The following SLC4A4 variants were observed in gnomAD, a reference collection of about 807,000 sequenced individuals.
SLC4A4 encodes the protein electrogenic sodium bicarbonate cotransporter 1.
Under a neutral mutation model 111.5 loss-of-function variants are expected in SLC4A4, and 27 were observed. The ratio of observed to expected loss-of-function variants is 0.24; its 90% CI spans 0.18 to 0.33. SLC4A4 has a LOEUF of 0.33. Among genes scored for constraint, SLC4A4 ranks in the 10% least tolerant of loss-of-function variants. The pLI, the probability that SLC4A4 is intolerant of heterozygous loss-of-function variation, is 1.00. For synonymous variants in SLC4A4, 443 were observed against 463.4 expected (o/e 0.96, Z 0.57); for missense variants, 909 against 1,315.5 (o/e 0.69, Z 4.78).
At chr4:71,157,342 T>TATG (rs1218282016) in intron 2 of SLC4A4, among the ~76,000 whole-genome samples, 1 of 152,186 alleles carries the variant, frequency 6.6e-6, no homozygotes, top group Non-Finnish European at 1.5e-5. Flanking sequence ...CATATAAAAG[T>TATG]AATACATATT....
chr4:71,377,921 G>C (rs1281724549), intron 6 of SLC4A4, among the ~76,000 whole-genome samples: 2 of 152,196 alleles, frequency 1.3e-5, no homozygotes, highest in East Asian at 3.8e-4. Context: ...ATGTGGCTGG[G>C]AACGCCTCAG....
At chr4:71,167,002 A>G (rs1427136101) in intron 2 of SLC4A4, among the ~76,000 whole-genome samples, 1 of 152,188 alleles carries the variant, frequency 6.6e-6, no homozygotes, top group Non-Finnish European at 1.5e-5. Context: ...GTAACTTACA[A>G]CAATAAGCAT....
intron 8 of SLC4A4, among the ~76,000 whole-genome samples, chr4:71,443,083 A>ACACT (rs1724876547): frequency 3.2e-5 from 1 of 31,436 alleles, no homozygotes; most frequent in African/African-American, 1.9e-4. Flanking sequence ...AGAGGCCACT[A>ACACT]CTCTCTCTCT....
At chr4:71,414,733 G>T (rs1438548188) in intron 7 of SLC4A4, among the ~76,000 whole-genome samples, 1 of 152,264 alleles carries the variant, frequency 6.6e-6, no homozygotes, top group Non-Finnish European at 1.5e-5. Flanking sequence ...GATTTCATAT[G>T]GTTGTTCCTT....
chr4:71,536,488 G>C (rs2364537), intron 18 of SLC4A4, among the ~76,000 whole-genome samples: 1 of 34,586 alleles, frequency 2.9e-5, no homozygotes, highest in Non-Finnish European at 6.0e-5. Flanking sequence ...ATATATATAT[G>C]TATATATTTA....
chr4:71,559,447 T>C (rs1475204274), intron 22 of SLC4A4, among the ~76,000 whole-genome samples: 1 of 151,808 alleles, frequency 6.6e-6, no homozygotes, highest in Non-Finnish European at 1.5e-5. Flanking sequence ...TCTCTAACCT[T>C]CAATTTCCTC....
At position 71,240,674 on chromosome 4, in the gene SLC4A4, T is replaced by G. The variant is rs545058488; in HGVS notation, c.73+4025T>G. The stretch of plus-strand genomic sequence containing the variant: ...TTGTTTTCAGGAAAAGTAAAAAAAG[T>G]ATGTCAGGGTCTGGGACAGGGTAGA... On this transcript the variant is annotated intron_variant, in intron 2 of 25. Transcript: ENST00000264485. 3.9e-5 allele frequency among the ~76,000 whole-genome samples: 6 copies of G among 152,296 alleles called. No individual in the cohort carries two copies. In the South Asian group the frequency reaches 1.2e-3, roughly 32 times the overall value.
At chr4:71,249,291 A>G (rs1270074142) in intron 2 of SLC4A4, among the ~76,000 whole-genome samples, 1 of 152,170 alleles carries the variant, frequency 6.6e-6, no homozygotes, top group Non-Finnish European at 1.5e-5. Context: ...TCTATACATA[A>G]ATGACATATG....
intron 7 of SLC4A4, among the ~76,000 whole-genome samples, chr4:71,400,327 G>A (rs986376429): frequency 2.0e-5 from 3 of 152,142 alleles, no homozygotes; most frequent in African/African-American, 7.2e-5. Flanking sequence ...GAAATATGTG[G>A]AACATTTTTT....
At chr4:71,270,592 A>G (rs1350956070) in intron 3 of SLC4A4, among the ~76,000 whole-genome samples, 1 of 152,204 alleles carries the variant, frequency 6.6e-6, no homozygotes, top group African/African-American at 2.4e-5. Flanking sequence ...AAATGTAGAA[A>G]CACACTCCTT....
upstream of SLC4A4, among the ~76,000 whole-genome samples, chr4:71,184,614 A>C (rs955465250): frequency 6.6e-6 from 1 of 152,172 alleles, no homozygotes; most frequent in African/African-American, 2.4e-5. Context: ...TTTTCTGCTC[A>C]TTCTTCTTGT....
Position 71,440,686 on chromosome 4 carries a change from A to G in SLC4A4, c.878A>G (p.Asp293Gly), listed in dbSNP as rs989632309. Reference protein sequence around the residue: ...EASNVLVGEVDFLDTPFIAFV... With the variant: ...EASNVLVGEVGFLDTPFIAFV... ...TCCAACGTGCTTGTTGGGGAGGTTG[A>G]CTTTTTGGATACTCCTTTCATTGCC... The change falls in exon 8 of 26, where the codon GAC becomes GGC. Residue 293 changes from aspartate (D) to glycine (G), a missense_variant. Asp to Gly is a moderately conservative substitution (Grantham distance 94). Around this residue, in one of 7 missense-constraint regions of SLC4A4, gnomAD observed 312 missense variants for 402.0 expected, o/e 0.78. Transcript: ENST00000264485. The G allele has an allele frequency of 6.2e-6, 10 of 1,613,996 alleles. No individual in the cohort carries two copies. The African/African-American group carries it at 1.2e-4, about 19-fold the overall frequency.
At chr4:71,321,657 G>A (rs1384487284) in intron 3 of SLC4A4, among the ~76,000 whole-genome samples, 1 of 151,882 alleles carries the variant, frequency 6.6e-6, no homozygotes, top group Non-Finnish European at 1.5e-5. Context: ...TATGGCAGAA[G>A]GCATCACAAA....
At chr4:71,542,416 T>C (rs938519314) in intron 18 of SLC4A4, among the ~76,000 whole-genome samples, 1 of 152,102 alleles carries the variant, frequency 6.6e-6, no homozygotes, top group African/African-American at 2.4e-5. Flanking sequence ...AATCTGATTA[T>C]ATCACTTGCC....
intron 2 of SLC4A4, among the ~76,000 whole-genome samples, chr4:71,163,968 G>A (rs1744670906): frequency 6.6e-6 from 1 of 152,214 alleles, no homozygotes. Context: ...AAAGCAGCCC[G>A]AGTGTGGTGG....
At chr4:71,476,979 G>A (rs898369249) in intron 14 of SLC4A4, among the ~76,000 whole-genome samples, 19 of 151,628 alleles carry the variant, frequency 1.3e-4, no homozygotes, top group African/African-American at 4.1e-4. Flanking sequence ...TAAGAAAAAC[G>A]ATAATTTAGT....
At chr4:71,394,954 A>G (rs1335028979) in intron 6 of SLC4A4, among the ~76,000 whole-genome samples, 1 of 152,186 alleles carries the variant, frequency 6.6e-6, no homozygotes, top group Non-Finnish European at 1.5e-5. Flanking sequence ...GGGATTAAAG[A>G]CAACAAATAT....
intron 1 of SLC4A4, among the ~76,000 whole-genome samples, chr4:71,225,901 G>A (rs1719019153): frequency 6.6e-6 from 1 of 152,172 alleles, no homozygotes; most frequent in Non-Finnish European, 1.5e-5. Context: ...TGCTATTGCC[G>A]TGCTAATTAC....
intron 11 of SLC4A4, among the ~76,000 whole-genome samples, chr4:71,451,593 A>T (rs1725767149): frequency 6.6e-6 from 1 of 152,176 alleles, no homozygotes; most frequent in South Asian, 2.1e-4. Context: ...GGATGGGAGT[A>T]TTGTATTCCA....
Sources: allele counts gnomAD v4.1 joint callset (sites outside exome capture counted in the v4.1 genomes callset), GRCh38; gene constraint gnomAD v4.1.1; regional missense constraint gnomAD v4.1.1; transcripts MANE v1.5; gene names NCBI Gene and HGNC (gene_info 2026-07-23, HGNC 2026-07-21).